The following KLF8 variants were observed in gnomAD, a reference collection of about 807,000 sequenced individuals.
KLF8 encodes KLF transcription factor 8, also known as Krueppel-like factor 8.
In KLF8, 10 loss-of-function variants were observed where a neutral mutation model predicts 18.2. That is an observed-to-expected ratio of 0.55 (90% confidence interval 0.34 to 0.93). The LOEUF is 0.93. Ranked by LOEUF, KLF8 falls within the 40% of genes least tolerant of loss-of-function variation. The pLI, the probability that KLF8 is intolerant of heterozygous loss-of-function variation, is 0.02. For missense variants in KLF8, 264 were observed against 277.9 expected (o/e 0.95, Z 0.36); for synonymous variants, 109 against 97.3 (o/e 1.12, Z -0.71).
At chrX:56,252,837 C>A (rs2066733007) in intron 2 of KLF8, among the ~76,000 whole-genome samples, 1 of 112,303 alleles carries the variant, frequency 8.9e-6, no homozygotes, top group African/African-American at 3.2e-5. Flanking sequence ...TACATTCCCA[C>A]CAACAGTGCA....
the KLF8 span, among the ~76,000 whole-genome samples, chrX:56,152,311 G>T: frequency 2.7e-5 from 3 of 110,869 alleles, no homozygotes; most frequent in African/African-American, 9.8e-5. Flanking sequence ...ATTTTCTTTG[G>T]AAGGTAGTCA....
At chrX:56,158,245 C>T in the KLF8 span, among the ~76,000 whole-genome samples, 4 of 111,184 alleles carry the variant, frequency 3.6e-5, no homozygotes, top group Non-Finnish European at 5.7e-5. Context: ...TTCCATTGGT[C>T]TATATCTCTG....
At chrX:56,079,618 G>T in the KLF8 span, among the ~76,000 whole-genome samples, 1 of 111,802 alleles carries the variant, frequency 8.9e-6, no homozygotes, top group Non-Finnish European at 1.9e-5. Context: ...TGTATATTCT[G>T]TTGATTTGTG....
chrX:56,238,043 G>A (rs2066499060), intron 1 of KLF8, among the ~76,000 whole-genome samples: 1 of 111,772 alleles, frequency 8.9e-6, no homozygotes, highest in Non-Finnish European at 1.9e-5. Flanking sequence ...TAGTCACTAG[G>A]TTAGGTCTTC....
the KLF8 span, among the ~76,000 whole-genome samples, chrX:56,108,081 G>T: frequency 4.5e-5 from 5 of 111,767 alleles, no homozygotes; most frequent in Non-Finnish European, 7.5e-5. Context: ...GCTGAGTTTT[G>T]TTATTAGCTC....
At chrX:56,060,086 G>A in the KLF8 span, among the ~76,000 whole-genome samples, 2 of 111,628 alleles carry the variant, frequency 1.8e-5, no homozygotes, top group Admixed American at 9.5e-5. Context: ...GAGATTTGGG[G>A]CTGAGATGAC....
the KLF8 span, among the ~76,000 whole-genome samples, chrX:56,140,027 A>G: frequency 8.9e-6 from 1 of 112,179 alleles, no homozygotes. Context: ...TCTAATCATT[A>G]GAGAAATACA....
chrX:56,066,090 G>A, the KLF8 span, among the ~76,000 whole-genome samples: 2 of 111,838 alleles, frequency 1.8e-5, no homozygotes, highest in Non-Finnish European at 3.8e-5. Context: ...GGTGTAGCAT[G>A]AGTGATGGCA....
the KLF8 span, among the ~76,000 whole-genome samples, chrX:56,011,312 G>C: frequency 2.7e-5 from 3 of 112,330 alleles, no homozygotes; most frequent in South Asian, 7.3e-4. Flanking sequence ...TCAAGATTGA[G>C]TAATTCACTC....
intron 2 of KLF8, among the ~76,000 whole-genome samples, chrX:56,259,636 T>C (rs1230622528): frequency 3.6e-5 from 4 of 111,212 alleles, no homozygotes; most frequent in Non-Finnish European, 7.5e-5. Flanking sequence ...TATTAGTCAC[T>C]AATGTGGTAC....
At chrX:56,194,393 A>C in the KLF8 span, among the ~76,000 whole-genome samples, 1 of 112,293 alleles carries the variant, frequency 8.9e-6, no homozygotes, top group African/African-American at 3.2e-5. Context: ...CTTAGCAACC[A>C]GCAGACAAGG....
chrX:56,118,154 A>G, the KLF8 span, among the ~76,000 whole-genome samples: 7 of 111,991 alleles, frequency 6.3e-5, no homozygotes, highest in East Asian at 2.0e-3. Context: ...GACAAAAATC[A>G]GACTATAGCA....
the KLF8 span, among the ~76,000 whole-genome samples, chrX:56,170,403 A>G: frequency 3.6e-5 from 4 of 110,833 alleles, no homozygotes; most frequent in Admixed American, 2.9e-4. Flanking sequence ...GAGAATTGAA[A>G]ATAGTTACTT....
At chrX:56,126,598 T>C in the KLF8 span, among the ~76,000 whole-genome samples, 4 of 110,884 alleles carry the variant, frequency 3.6e-5, no homozygotes, top group Non-Finnish European at 7.5e-5. Flanking sequence ...TCCTGCTCCC[T>C]CTCTGACCCC....
the KLF8 span, among the ~76,000 whole-genome samples, chrX:56,164,899 C>G: frequency 1.8e-5 from 1 of 54,241 alleles, no homozygotes; most frequent in African/African-American, 7.1e-5. Flanking sequence ...CTATCCCTCC[C>G]CCCTCCCCCG....
chrX:55,962,987 C>A, the KLF8 span, among the ~76,000 whole-genome samples: 4 of 112,179 alleles, frequency 3.6e-5, no homozygotes, highest in South Asian at 3.7e-4. Context: ...TTTATGAAAA[C>A]CAATCAGTAT....
At chrX:56,196,502 G>A in the KLF8 span, among the ~76,000 whole-genome samples, 1 of 112,067 alleles carries the variant, frequency 8.9e-6, no homozygotes. Context: ...GACAAAGAAG[G>A]CCATTACATA....
chrX:56,009,451 A>C, the KLF8 span, among the ~76,000 whole-genome samples: 1 of 112,108 alleles, frequency 8.9e-6, no homozygotes, highest in African/African-American at 3.2e-5. Context: ...CCTCATCCAA[A>C]GGTCAGCAGC....
At chrX:55,928,703 TC>T in the KLF8 span, among the ~76,000 whole-genome samples, 12 of 112,193 alleles carry the variant, frequency 1.1e-4, no homozygotes, top group Non-Finnish European at 1.5e-4. Context: ...CATGAACTCA[TC>T]CTTTTTCATG....
Sources: allele counts gnomAD v4.1 joint callset (sites outside exome capture counted in the v4.1 genomes callset), GRCh38; gene constraint gnomAD v4.1.1; transcripts MANE v1.5; gene names NCBI Gene and HGNC (gene_info 2026-07-23, HGNC 2026-07-21).